The following PARD3 variants were observed in gnomAD, a reference collection of about 807,000 sequenced individuals.
The protein encoded by PARD3 is par-3 family cell polarity regulator.
In PARD3, 75 loss-of-function variants were observed where a neutral mutation model predicts 155.4. The ratio of observed to expected loss-of-function variants is 0.48; its 90% confidence interval spans 0.40 to 0.58. The LOEUF (loss-of-function observed/expected upper bound fraction) is 0.58. Ranked by LOEUF, PARD3 falls within the 20% of genes least tolerant of loss-of-function variation. The pLI is 0.00. For missense variants in PARD3, 1,642 were observed against 1,721.7 expected (o/e 0.95, Z 0.82); for synonymous variants, 576 against 610.5 (o/e 0.94, Z 0.83).
intron 22 of PARD3, among the ~76,000 whole-genome samples, chr10:34,226,394 A>G (rs1246891060): frequency 6.6e-6 from 1 of 152,206 alleles, no homozygotes; most frequent in Middle Eastern, 3.2e-3. Context: ...TACTGAAAAT[A>G]CAAAAAGTAG....
chr10:34,257,779 G>A (rs1355660552), intron 22 of PARD3, among the ~76,000 whole-genome samples: 2 of 152,198 alleles, frequency 1.3e-5, no homozygotes, highest in African/African-American at 4.8e-5. Context: ...TTCGGGCAAT[G>A]TTAATCAACA....
At chr10:34,309,436 T>C (rs1315269861) in intron 20 of PARD3, among the ~76,000 whole-genome samples, 1 of 151,188 alleles carries the variant, frequency 6.6e-6, no homozygotes, top group Non-Finnish European at 1.5e-5. Context: ...TGCACGCCTG[T>C]AGTCCCAGCT....
chr10:34,443,664 C>T (rs182043322), intron 5 of PARD3, among the ~76,000 whole-genome samples: 9 of 152,098 alleles, frequency 5.9e-5, no homozygotes, highest in Admixed American at 5.9e-4. Context: ...ATTCAATTAC[C>T]TCCCACCAGG....
chr10:34,550,867 A>G (rs1408247388), intron 2 of PARD3, among the ~76,000 whole-genome samples: 3 of 152,208 alleles, frequency 2.0e-5, no homozygotes, highest in Non-Finnish European at 4.4e-5. Context: ...ATTTTAAAAA[A>G]ACACATCTGC....
At chr10:34,692,231 T>G (rs1033755106) in intron 2 of PARD3, among the ~76,000 whole-genome samples, 7 of 21,414 alleles carry the variant, frequency 3.3e-4, no homozygotes, top group Admixed American at 1.3e-3. Context: ...AGACTTCATT[T>G]CAAAAAAAAA....
At chr10:34,704,981 C>G (rs537878726) in intron 1 of PARD3, among the ~76,000 whole-genome samples, 1 of 152,212 alleles carries the variant, frequency 6.6e-6, no homozygotes, top group African/African-American at 2.4e-5. Context: ...CAAAAGAGCA[C>G]GATCAGCAGG....
intron 1 of PARD3, among the ~76,000 whole-genome samples, chr10:34,735,724 T>C (rs921202242): frequency 6.6e-6 from 1 of 152,130 alleles, no homozygotes. Flanking sequence ...GGAAAAAAAA[T>C]TTGAAACAAC....
At chr10:34,570,482 A>T (rs1315215563) in intron 2 of PARD3, among the ~76,000 whole-genome samples, 2 of 152,132 alleles carry the variant, frequency 1.3e-5, no homozygotes, top group African/African-American at 4.8e-5. Context: ...ACTTTTCAAA[A>T]TTTTTTACCC....
chr10:34,655,374 A>G (rs1231600668), intron 2 of PARD3, among the ~76,000 whole-genome samples: 1 of 152,142 alleles, frequency 6.6e-6, no homozygotes, highest in East Asian at 1.9e-4. Context: ...TGTTTTATGT[A>G]TAACACACAA....
chr10:34,523,854 T>C (rs2082304666), intron 2 of PARD3, among the ~76,000 whole-genome samples: 1 of 152,214 alleles, frequency 6.6e-6, no homozygotes. Context: ...AAAATCACTT[T>C]TCGTCTCCAT....
intron 22 of PARD3, among the ~76,000 whole-genome samples, chr10:34,181,714 T>C (rs1454924765): frequency 6.6e-6 from 1 of 152,110 alleles, no homozygotes; most frequent in Non-Finnish European, 1.5e-5. Flanking sequence ...CCTGCTGACA[T>C]CTGGTTACAT....
At chr10:34,216,612 G>A (rs1952013128) in intron 22 of PARD3, among the ~76,000 whole-genome samples, 2 of 152,154 alleles carry the variant, frequency 1.3e-5, no homozygotes, top group South Asian at 4.1e-4. Context: ...TCATCTCAGG[G>A]CACAGAGTTT....
At chr10:34,716,485 T>C (rs2094521206) in intron 1 of PARD3, among the ~76,000 whole-genome samples, 1 of 151,508 alleles carries the variant, frequency 6.6e-6, no homozygotes, top group Admixed American at 6.6e-5. Flanking sequence ...ACTTATCAGA[T>C]GGGAGGAGGG....
At chr10:34,733,228 C>G (rs1016131291) in intron 1 of PARD3, among the ~76,000 whole-genome samples, 5 of 152,108 alleles carry the variant, frequency 3.3e-5, no homozygotes, top group African/African-American at 1.2e-4. Flanking sequence ...GCATGACTAA[C>G]CAAGTGAAGA....
intron 20 of PARD3, among the ~76,000 whole-genome samples, chr10:34,293,045 G>C (rs1956749249): frequency 6.7e-6 from 1 of 150,212 alleles, no homozygotes; most frequent in African/African-American, 2.5e-5. Context: ...AAACTCCACA[G>C]ATCTAAAAAT....
rs1471810940 is a variant in PARD3, at chr10:34,569,649, T to C, written c.223-52490A>G. ...AGCCAGGATGATCTCCATCTCCTGA[T>C]CTCGTGATCCGCCCGCCTCCGCCTG... On this transcript the variant is annotated intron_variant, in intron 2 of 24. Transcript: ENST00000374788. 2.0e-5 allele frequency among the ~76,000 whole-genome samples: 3 copies of C among 152,140 alleles called. No individual in the cohort carries two copies. In the East Asian group the frequency reaches 5.8e-4, roughly 29 times the overall value.
chr10:34,618,065 T>G (rs2091386463), intron 2 of PARD3, among the ~76,000 whole-genome samples: 1 of 152,190 alleles, frequency 6.6e-6, no homozygotes, highest in African/African-American at 2.4e-5. Context: ...ACTATGACCT[T>G]TCTAAACTAT....
chr10:34,765,090 A>C (rs2134045673), intron 1 of PARD3, among the ~76,000 whole-genome samples: 1 of 152,302 alleles, frequency 6.6e-6, no homozygotes, highest in African/African-American at 2.4e-5. Context: ...AAGTAAACAT[A>C]GTATTGAGAG....
intron 22 of PARD3, among the ~76,000 whole-genome samples, chr10:34,165,884 T>C (rs968841481): frequency 6.6e-6 from 1 of 152,228 alleles, no homozygotes; most frequent in African/African-American, 2.4e-5. Flanking sequence ...ACCATTATTC[T>C]AATCACCTGG....
Sources: gnomAD v4.1 joint callset for allele counts (sites outside exome capture counted in the v4.1 genomes callset) on GRCh38, gnomAD v4.1.1 for gene constraint, MANE v1.5 for transcripts, NCBI Gene and HGNC (gene_info 2026-07-23, HGNC 2026-07-21) for gene names.